Variants in TRIQK observed in about 807,000 individuals in gnomAD.
TRIQK encodes triple QxxK/R motif containing.
A neutral mutation model predicts 10.8 loss-of-function variants in TRIQK; 10 were observed. The observed-to-expected ratio is 0.92, with a 90% CI of 0.57 to 1.57. TRIQK has a LOEUF of 1.57. TRIQK is among the 40% of genes most tolerant of loss of function. The pLI is 0.00. For synonymous variants in TRIQK, 33 were observed against 33.7 expected, an observed-to-expected ratio of 0.98 and a Z score of 0.07; for missense variants, 107 against 97.7, an observed-to-expected ratio of 1.09 and a Z score of -0.40.
At chr8:93,016,968 G>A (rs1016898161) in intron 1 of TRIQK, among the ~76,000 whole-genome samples, 1 of 152,132 alleles carries the variant, frequency 6.6e-6, no homozygotes, top group African/African-American at 2.4e-5. Flanking sequence ...AGTATGGATA[G>A]AACTTAGTAA....
At chr8:92,934,762 T>A (rs1479249740) in intron 2 of TRIQK, among the ~76,000 whole-genome samples, 1 of 151,930 alleles carries the variant, frequency 6.6e-6, no homozygotes, top group Non-Finnish European at 1.5e-5. Flanking sequence ...TCAGCTATGA[T>A]GCAAATTATG....
intron 1 of TRIQK, among the ~76,000 whole-genome samples, chr8:92,955,682 A>C (rs1812133376): frequency 1.3e-5 from 2 of 151,804 alleles, no homozygotes; most frequent in Non-Finnish European, 3.0e-5. Context: ...ATATATAATA[A>C]AAGTCTTATA....
At chr8:92,913,430 T>A (rs1045718689) in intron 3 of TRIQK, among the ~76,000 whole-genome samples, 3 of 152,062 alleles carry the variant, frequency 2.0e-5, no homozygotes, top group Non-Finnish European at 4.4e-5. Context: ...CACCATCTCA[T>A]GACAGTCAGA....
chr8:92,941,773 C>T (rs969264780), intron 2 of TRIQK, among the ~76,000 whole-genome samples: 8 of 151,938 alleles, frequency 5.3e-5, no homozygotes, highest in African/African-American at 1.9e-4. Context: ...CACAAAAATG[C>T]AAAAGGTCAC....
At chr8:92,986,178 T>G (rs1813028572) in intron 1 of TRIQK, among the ~76,000 whole-genome samples, 1 of 152,168 alleles carries the variant, frequency 6.6e-6, no homozygotes, top group South Asian at 2.1e-4. Flanking sequence ...GAGTATAACT[T>G]CATGTATACT....
At chr8:92,961,060 C>T (rs748705604) in intron 1 of TRIQK, among the ~76,000 whole-genome samples, 5 of 152,090 alleles carry the variant, frequency 3.3e-5, no homozygotes, top group African/African-American at 9.7e-5. Flanking sequence ...AATAACTCCC[C>T]GAAATGTTCT....
intron 3 of TRIQK, among the ~76,000 whole-genome samples, chr8:92,897,733 T>C (rs1222705209): frequency 6.6e-6 from 1 of 152,158 alleles, no homozygotes; most frequent in Non-Finnish European, 1.5e-5. Flanking sequence ...TTTCCTTAAA[T>C]GCTTTGAACC....
At chr8:92,899,991 T>C (rs1055543521) in intron 3 of TRIQK, among the ~76,000 whole-genome samples, 6 of 152,200 alleles carry the variant, frequency 3.9e-5, no homozygotes, top group African/African-American at 2.4e-5. Context: ...TTTTCATTTC[T>C]CTAATGATTA....
intron 3 of TRIQK, among the ~76,000 whole-genome samples, chr8:92,901,908 G>C (rs1382020845): frequency 1.3e-5 from 2 of 152,046 alleles, no homozygotes; most frequent in Non-Finnish European, 2.9e-5. Flanking sequence ...TTATGGATTT[G>C]ATCTCATTGT....
intron 1 of TRIQK, among the ~76,000 whole-genome samples, chr8:92,987,284 A>G (rs1813044818): frequency 6.6e-6 from 1 of 152,200 alleles, no homozygotes; most frequent in Non-Finnish European, 1.5e-5. Flanking sequence ...GATGCTTTCA[A>G]GAGATGGCTC....
At chr8:92,948,218 G>A (rs1291837636) in intron 2 of TRIQK, among the ~76,000 whole-genome samples, 1 of 152,106 alleles carries the variant, frequency 6.6e-6, no homozygotes, top group Non-Finnish European at 1.5e-5. Context: ...CTTTTATTCT[G>A]TTTTAGCTAT....
At chr8:92,978,694 A>G (rs1162655982) in intron 1 of TRIQK, among the ~76,000 whole-genome samples, 1 of 152,102 alleles carries the variant, frequency 6.6e-6, no homozygotes, top group Non-Finnish European at 1.5e-5. Flanking sequence ...TTCTCTGCTC[A>G]GAGTCAGGGC....
intron 2 of TRIQK, among the ~76,000 whole-genome samples, chr8:92,933,350 T>C (rs1295243289): frequency 6.6e-6 from 1 of 152,152 alleles, no homozygotes; most frequent in African/African-American, 2.4e-5. Flanking sequence ...AAACAAAGGA[T>C]AAGAACCGAT....
chr8:93,010,484 A>C (rs904245413), intron 1 of TRIQK, among the ~76,000 whole-genome samples: 1 of 152,174 alleles, frequency 6.6e-6, no homozygotes, highest in Non-Finnish European at 1.5e-5. Flanking sequence ...ATTCTAAACT[A>C]TCCAAAATCA....
chr8:92,898,833 G>GTATA (rs67063066), intron 3 of TRIQK, among the ~76,000 whole-genome samples: 2,231 of 73,748 alleles, frequency 0.03, 76 homozygotes, highest in East Asian at 0.068. Flanking sequence ...GTGTGTGTGT[G>GTATA]TATATATATA....
intron 1 of TRIQK, among the ~76,000 whole-genome samples, chr8:92,985,879 A>G (rs1813026527): frequency 6.6e-6 from 1 of 152,162 alleles, no homozygotes; most frequent in African/African-American, 2.4e-5. Context: ...TAAGAATCCA[A>G]TATTGTCACA....
At chr8:92,899,717 T>C (rs1586382949) in intron 3 of TRIQK, among the ~76,000 whole-genome samples, 1 of 152,050 alleles carries the variant, frequency 6.6e-6, no homozygotes, top group Non-Finnish European at 1.5e-5. Context: ...AACGTAGGAG[T>C]GTAGATATCT....
chr8:92,906,476 G>A (rs1362218382), intron 3 of TRIQK, among the ~76,000 whole-genome samples: 2 of 151,982 alleles, frequency 1.3e-5, no homozygotes, highest in Non-Finnish European at 2.9e-5. Context: ...GTAAACTAAG[G>A]TTCTTGAATT....
intron 1 of TRIQK, among the ~76,000 whole-genome samples, chr8:92,976,879 ATAGT>A (rs1812938603): frequency 6.6e-6 from 1 of 151,954 alleles, no homozygotes; most frequent in African/African-American, 2.4e-5. Context: ...TATTTCACAT[ATAGT>A]TAAAGAAGCT....
Sources: allele counts gnomAD v4.1 joint callset (sites outside exome capture counted in the v4.1 genomes callset), GRCh38; gene constraint gnomAD v4.1.1; transcripts MANE v1.5; gene names NCBI Gene and HGNC (gene_info 2026-07-23, HGNC 2026-07-21).